The following SPRED2 variants were observed in gnomAD, a reference collection of about 807,000 sequenced individuals.
The protein encoded by SPRED2 is sprouty related EVH1 domain containing 2.
SPRED2 carries 47 observed loss-of-function variants against 43.0 expected under a neutral mutation model. The observed-to-expected ratio is 1.09, with a 90% confidence interval of 0.87 to 1.40. The LOEUF is 1.40. Ranked by LOEUF, SPRED2 falls within the 40% of genes most tolerant of loss-of-function variation. SPRED2 has a pLI of 0.00. For synonymous variants in SPRED2, 225 were observed against 225.7 expected, an observed-to-expected ratio of 1.00 and a Z score of 0.03; for missense variants, 561 against 586.4, an observed-to-expected ratio of 0.96 and a Z score of 0.45.
chr2:65,404,184 C>A (rs1675969110), intron 1 of SPRED2, among the ~76,000 whole-genome samples: 3 of 142,564 alleles, frequency 2.1e-5, no homozygotes, highest in Admixed American at 7.2e-5. Context: ...CCAGCCTGGG[C>A]AACAGAGTGA....
chr2:65,310,734 T>A, downstream of SPRED2: 3 of 336,426 alleles, frequency 8.9e-6, no homozygotes, highest in Non-Finnish European at 1.3e-5. Context: ...CAGACCGGTG[T>A]CCACATGTCC....
intron 1 of SPRED2, among the ~76,000 whole-genome samples, chr2:65,399,272 A>C (rs1299194037): frequency 6.7e-6 from 1 of 150,346 alleles, no homozygotes; most frequent in Non-Finnish European, 1.5e-5. Flanking sequence ...TCTGTCTCAA[A>C]AAAAAAAAAA....
intron 2 of SPRED2, among the ~76,000 whole-genome samples, chr2:65,338,940 C>T (rs1262966186): frequency 4.0e-5 from 6 of 150,744 alleles, no homozygotes; most frequent in East Asian, 2.0e-4. Flanking sequence ...GGGAGCGCCT[C>T]TGCCCCGCCG....
At chr2:65,411,997 A>T (rs572574100) in intron 1 of SPRED2, among the ~76,000 whole-genome samples, 1 of 152,044 alleles carries the variant, frequency 6.6e-6, no homozygotes, top group African/African-American at 2.4e-5. Flanking sequence ...GTGTGGTGGC[A>T]GGCGCCTGTA....
intron 1 of SPRED2, among the ~76,000 whole-genome samples, chr2:65,399,953 C>T (rs11684759): frequency 0.051 from 7,786 of 152,060 alleles, 295 homozygotes; most frequent in Middle Eastern, 0.15. Context: ...CACCTGTTCC[C>T]CCAAAACCTA....
intron 1 of SPRED2, among the ~76,000 whole-genome samples, chr2:65,400,356 C>G (rs1244972464): frequency 6.6e-6 from 1 of 152,160 alleles, no homozygotes; most frequent in African/African-American, 2.4e-5. Flanking sequence ...GCTTAGTTTT[C>G]TATGTGTGAA....
intron 1 of SPRED2, among the ~76,000 whole-genome samples, chr2:65,353,542 T>G (rs1214228401): frequency 1.3e-5 from 2 of 152,186 alleles, no homozygotes; most frequent in African/African-American, 4.8e-5. Flanking sequence ...CCTCTAGTAT[T>G]TTAGTTTTCC....
At chr2:65,412,744 T>C (rs1232742760) in intron 1 of SPRED2, among the ~76,000 whole-genome samples, 1 of 152,180 alleles carries the variant, frequency 6.6e-6, no homozygotes. Flanking sequence ...TGAGACTTTA[T>C]GCTGCACTCT....
At chr2:65,309,394 T>C (rs1673011447), downstream of SPRED2, among the ~76,000 whole-genome samples, 1 of 150,160 alleles carries the variant, frequency 6.7e-6, no homozygotes, top group Non-Finnish European at 1.5e-5. Context: ...TAGTCCTAGC[T>C]ACTCGAGGGG....
chr2:65,322,268 CTCTATATATA>C (rs1173919175), intron 4 of SPRED2, among the ~76,000 whole-genome samples: 1 of 38,370 alleles, frequency 2.6e-5, no homozygotes, highest in Non-Finnish European at 4.1e-5. Flanking sequence ...CTCTCTCTCT[CTCTATATATA>C]TATATATATA....
intron 1 of SPRED2, among the ~76,000 whole-genome samples, chr2:65,379,384 A>G (rs574147351): frequency 6.6e-6 from 1 of 152,220 alleles, no homozygotes; most frequent in South Asian, 2.1e-4. Flanking sequence ...GGTCTTATTC[A>G]AGCAAAGAGG....
Position 65,313,490 on chromosome 2 carries a change from G to A in SPRED2, c.*11C>T. 1 of 1,588,404 alleles carries A rather than the reference G, an allele frequency of 6.3e-7. No homozygotes were observed. Among genetic ancestry groups the A allele is most frequent in the Non-Finnish European group, 8.6e-7 (1 of 1,167,916 alleles). On this transcript the variant is annotated 3_prime_UTR_variant, in exon 6 of 6. Coordinates refer to ENST00000356388, the MANE Select transcript of SPRED2 (RefSeq NM_181784.3). ...TGGCTGCGGATGGAGGGAGAAGGGA[G>A]GGAAACTGAGTCACGCGGCCGCTTT...
At chr2:65,429,104 G>T (rs1413779390) in intron 1 of SPRED2, among the ~76,000 whole-genome samples, 1 of 152,100 alleles carries the variant, frequency 6.6e-6, no homozygotes, top group East Asian at 1.9e-4. Flanking sequence ...TATATTAGAA[G>T]AATTTTAAAT....
At chr2:65,366,359 G>C (rs1674977089) in intron 1 of SPRED2, among the ~76,000 whole-genome samples, 1 of 152,244 alleles carries the variant, frequency 6.6e-6, no homozygotes, top group East Asian at 1.9e-4. Flanking sequence ...GGAGAAATTT[G>C]TTTTCAGAAA....
intron 2 of SPRED2, 76 bp downstream of exon 2, chr2:65,344,643 G>C: frequency 6.5e-7 from 1 of 1,546,554 alleles, no homozygotes; most frequent in Non-Finnish European, 8.9e-7. Context: ...AATACGTTAA[G>C]GAAAGAGGAC....
chr2:65,373,510 A>T (rs370272187), intron 1 of SPRED2, among the ~76,000 whole-genome samples: 1 of 152,374 alleles, frequency 6.6e-6, no homozygotes, highest in East Asian at 1.9e-4. Flanking sequence ...ATTAGTCAAC[A>T]GCAGCAGCTA....
intron 1 of SPRED2, among the ~76,000 whole-genome samples, chr2:65,425,889 A>C (rs1326614606): frequency 1.3e-5 from 2 of 152,216 alleles, no homozygotes; most frequent in Admixed American, 6.5e-5. Context: ...ATAATCACAT[A>C]CACCAAAACT....
chr2:65,344,698 G>A (rs750909583), intron 2 of SPRED2, 21 bp downstream of exon 2: 15 of 1,612,568 alleles, frequency 9.3e-6, no homozygotes, highest in African/African-American at 1.3e-5. Flanking sequence ...TTTAACCCAC[G>A]AGTTGTATGT....
At chr2:65,379,866 T>C (rs1462063832) in intron 1 of SPRED2, among the ~76,000 whole-genome samples, 1 of 152,210 alleles carries the variant, frequency 6.6e-6, no homozygotes, top group African/African-American at 2.4e-5. Flanking sequence ...CACATCCTCC[T>C]AGATGAACCT....
Sources: allele counts gnomAD v4.1 joint callset (sites outside exome capture counted in the v4.1 genomes callset), GRCh38; gene constraint gnomAD v4.1.1; transcripts MANE v1.5; gene names NCBI Gene and HGNC (gene_info 2026-07-23, HGNC 2026-07-21).